CFAP61: variants seen among roughly 807,000 people sequenced by gnomAD.
CFAP61 encodes the protein cilia and flagella associated protein 61, also known as cilia- and flagella-associated protein 61.
Under a neutral mutation model 135.6 loss-of-function variants are expected in CFAP61, and 107 were observed. That is an observed-to-expected ratio of 0.79 (90% CI 0.67 to 0.93). CFAP61 has a LOEUF of 0.93. CFAP61 is among the 40% of genes least tolerant of loss of function. The pLI, the probability that CFAP61 is intolerant of heterozygous loss-of-function variation, is 0.00. For missense variants in CFAP61, 1,507 were observed against 1,556.2 expected (o/e 0.97, Z 0.53); for synonymous variants, 575 against 578.5 (o/e 0.99, Z 0.09).
intron 13 of CFAP61, among the ~76,000 whole-genome samples, chr20:20,171,569 C>T (rs1424530281): frequency 2.6e-5 from 4 of 152,098 alleles, no homozygotes; most frequent in African/African-American, 4.8e-5. Flanking sequence ...CAGATATTTT[C>T]GTTCATGTTT....
At chr20:20,281,239 A>G (rs534373514) in intron 22 of CFAP61, among the ~76,000 whole-genome samples, 22 of 152,216 alleles carry the variant, frequency 1.4e-4, no homozygotes, top group Non-Finnish European at 1.0e-4. Context: ...CTTTTATTTC[A>G]GTTACTTGCT....
At chr20:20,145,396 G>A (rs933746198) in intron 9 of CFAP61, among the ~76,000 whole-genome samples, 18 of 152,020 alleles carry the variant, frequency 1.2e-4, no homozygotes, top group Non-Finnish European at 1.9e-4. Flanking sequence ...TATCTAATAA[G>A]CCTATAGTTG....
At chr20:20,163,582 TAG>T (rs1325568286) in intron 10 of CFAP61, among the ~76,000 whole-genome samples, 1 of 131,606 alleles carries the variant, frequency 7.6e-6, no homozygotes, top group Non-Finnish European at 1.7e-5. Flanking sequence ...ATGTGAGAAC[TAG>T]TTTTTTTTTT....
At chr20:20,086,836 A>T (rs1284463516) in intron 6 of CFAP61, among the ~76,000 whole-genome samples, 2 of 152,166 alleles carry the variant, frequency 1.3e-5, no homozygotes, top group African/African-American at 4.8e-5. Context: ...GACAATATAT[A>T]TCCAGTGATG....
At chr20:20,318,529 G>A (rs1360630202) in intron 25 of CFAP61, among the ~76,000 whole-genome samples, 1 of 152,200 alleles carries the variant, frequency 6.6e-6, no homozygotes, top group Non-Finnish European at 1.5e-5. Context: ...GGCACCGGAG[G>A]CATGATTTGA....
chr20:20,112,187 G>A (rs1754923164), intron 8 of CFAP61, among the ~76,000 whole-genome samples: 1 of 151,990 alleles, frequency 6.6e-6, no homozygotes, highest in South Asian at 2.1e-4. Flanking sequence ...TTGTTTCTGT[G>A]GCATAGAACT....
At chr20:20,112,531 G>A (rs1165983476) in intron 8 of CFAP61, among the ~76,000 whole-genome samples, 3 of 151,686 alleles carry the variant, frequency 2.0e-5, no homozygotes, top group Non-Finnish European at 4.4e-5. Flanking sequence ...AATCCTTTGA[G>A]ATTTTCCAGG....
chr20:20,220,105 C>G (rs2048300449), intron 17 of CFAP61: 1 of 152,446 alleles, frequency 6.6e-6, no homozygotes, highest in South Asian at 2.1e-4. Context: ...AGGGTTGGAA[C>G]TTTCAGGCCT....
intron 25 of CFAP61, among the ~76,000 whole-genome samples, chr20:20,328,435 A>G (rs2057846792): frequency 6.6e-6 from 1 of 152,236 alleles, no homozygotes; most frequent in East Asian, 1.9e-4. Context: ...CCAAACTCCT[A>G]GAAGAAAACA....
chr20:20,277,201 T>TA lies in CFAP61; in HGVS notation c.2540dup (p.Tyr847Ter). The TA allele has an allele frequency of 6.2e-7, 1 of 1,613,360 alleles. No homozygotes were observed. Among genetic ancestry groups the TA allele is most frequent in the South Asian group, 1.1e-5 (1 of 91,028 alleles). The change falls in exon 22 of 27, where the codon TAC becomes TAAC. Residue 847 changes from tyrosine (Y) to a stop codon, truncating the protein, a stop_gained and frameshift_variant. Coordinates refer to ENST00000245957, the MANE Select transcript of CFAP61 (RefSeq NM_015585.4). LOFTEE classifies it high-confidence loss of function. The stretch of plus-strand genomic sequence containing the variant: ...TGTCTATGGGAATACAATTGATACT[T>TA]ACACCACCGTGGAGACGCTCTTAAA... ...IIVYGNTIDT[Y>*]TTVETLLNLG...
At chr20:20,310,327 G>T (rs1194615399) in intron 25 of CFAP61, among the ~76,000 whole-genome samples, 3 of 152,130 alleles carry the variant, frequency 2.0e-5, no homozygotes, top group African/African-American at 7.2e-5. Context: ...TTGTGTATCT[G>T]GTTCTGGTTT....
At chr20:20,161,190 G>A (rs1034818904) in intron 10 of CFAP61, among the ~76,000 whole-genome samples, 1 of 152,116 alleles carries the variant, frequency 6.6e-6, no homozygotes, top group Non-Finnish European at 1.5e-5. Context: ...GAGGACAGCA[G>A]TTTTCTCTCT....
intron 22 of CFAP61, among the ~76,000 whole-genome samples, chr20:20,282,537 G>A (rs2054273908): frequency 6.6e-6 from 1 of 151,706 alleles, no homozygotes; most frequent in South Asian, 2.1e-4. Context: ...ATTCAACCTT[G>A]GATTATTTAG....
intron 26 of CFAP61, among the ~76,000 whole-genome samples, chr20:20,356,235 G>A (rs1333617442): frequency 2.9e-5 from 4 of 137,876 alleles, no homozygotes; most frequent in African/African-American, 1.1e-4. Context: ...TAGTCACACT[G>A]AGGGGAGGGG....
In CFAP61 at chr20:20,145,404, T is replaced by G. The variant is rs1015805665; in HGVS notation, c.951+2456T>G. Among the ~76,000 whole-genome samples, 6 of 152,144 alleles carry G rather than the reference T, an allele frequency of 3.9e-5. No individual in the cohort carries two copies. In the South Asian group the frequency reaches 8.3e-4, roughly 21 times the overall value. On this transcript the variant is annotated intron_variant, in intron 9 of 26. Transcript: ENST00000245957. ...AGAGTTATATCTAATAAGCCTATAG[T>G]TGAGATTAAATATCATCATAAAAAT...
rs369229420 is a variant in CFAP61 at position 20,098,750 on chromosome 20, C to G, written c.795C>G (p.Leu265=). The G allele has an allele frequency of 1.7e-5, 27 of 1,613,976 alleles. No homozygotes were observed. In the African/African-American group the frequency reaches 2.9e-4, roughly 18 times the overall value. The change falls in exon 8 of 27, where the codon CTC becomes CTG. Residue 265 remains leucine (L), a synonymous_variant. Transcript: ENST00000245957. Reference sequence around the variant, plus strand: ...TTGACTTGGGCCCTTTCCACGGACTCTGTTTCCCACATCCTGATGACGTTC... The same window carrying G: ...TTGACTTGGGCCCTTTCCACGGACTGTGTTTCCCACATCCTGATGACGTTC... ...ECFDLGPFHG[L]CFPHPDDVLE...
chr20:20,282,802 G>A (rs939320559), intron 22 of CFAP61, among the ~76,000 whole-genome samples: 2 of 152,102 alleles, frequency 1.3e-5, no homozygotes, highest in African/African-American at 4.8e-5. Context: ...AGCCAGGCAT[G>A]GTGGTACATG....
chr20:20,311,474 C>A (rs905414010), intron 25 of CFAP61, among the ~76,000 whole-genome samples: 3 of 152,152 alleles, frequency 2.0e-5, no homozygotes, highest in Admixed American at 6.5e-5. Flanking sequence ...AGAAGGTGAA[C>A]CCTGTGGTTG....
chr20:20,277,348 A>C lies in CFAP61; in HGVS notation c.2686A>C (p.Thr896Pro). Residue 896 changes from threonine to proline, a missense_variant, in exon 22 of 27, where the codon ACT becomes CCT. Transcript: ENST00000245957. Reference sequence around the variant, plus strand: ...GGACGCGCTAGGAGCCGCCGGAGTCACTATGTACCGGGATGCGATCCTGGC... The same window carrying C: ...GGACGCGCTAGGAGCCGCCGGAGTCCCTATGTACCGGGATGCGATCCTGGC... The part of the protein sequence containing the change: ...VADALGAAGV[T>P]MYRDAILAQW... 6.2e-7 allele frequency: 1 copy of C among 1,614,162 alleles called. No individual in the cohort carries two copies. Among genetic ancestry groups the C allele is most frequent in the Non-Finnish European group, 8.5e-7 (1 of 1,180,028 alleles).
Sources: gnomAD v4.1 joint callset for allele counts (sites outside exome capture counted in the v4.1 genomes callset) on GRCh38, gnomAD v4.1.1 for gene constraint, MANE v1.5 for transcripts, NCBI Gene and HGNC (gene_info 2026-07-23, HGNC 2026-07-21) for gene names.